Variants in PECAM1 observed in about 807,000 individuals in gnomAD.
The protein encoded by PECAM1 is platelet endothelial cell adhesion molecule.
Under a neutral mutation model 13.8 loss-of-function variants are expected in PECAM1, and 8 were observed. That is an observed-to-expected ratio of 0.58 (90% CI 0.34 to 1.05). The LOEUF (loss-of-function observed/expected upper bound fraction) is 1.05, where lower values mean the gene tolerates loss of function less well. Among genes scored for constraint, PECAM1 ranks in the 50% least tolerant of loss-of-function variants. PECAM1 has a pLI of 0.03. For synonymous variants in PECAM1, 136 were observed against 52.6 expected, an observed-to-expected ratio of 2.58 and a Z score of -6.86; for missense variants, 304 against 141.2, an observed-to-expected ratio of 2.15 and a Z score of -5.84.
chr17:64,347,445 C>T (rs1379084120), intron 13 of PECAM1, among the ~76,000 whole-genome samples: 4 of 150,030 alleles, frequency 2.7e-5, no homozygotes, highest in East Asian at 2.0e-4. Flanking sequence ...GCAGGAGAAT[C>T]GCTTTAACCC....
chr17:64,363,683 A>G (rs1223575883), intron 5 of PECAM1, among the ~76,000 whole-genome samples: 3 of 152,190 alleles, frequency 2.0e-5, no homozygotes, highest in African/African-American at 7.2e-5. Context: ...GTGGTGGCTC[A>G]TGCCTGTAAT....
At chr17:64,326,226 T>A (rs529262213) in intron 15 of PECAM1, among the ~76,000 whole-genome samples, 1 of 152,188 alleles carries the variant, frequency 6.6e-6, no homozygotes, top group South Asian at 2.1e-4. Flanking sequence ...GGACCCTCCA[T>A]GTGCACAGGA....
chr17:64,388,074 G>GAA (rs59573853), intron 2 of PECAM1, among the ~76,000 whole-genome samples: 70,236 of 151,858 alleles, frequency 0.46, 17,810 homozygotes, highest in Middle Eastern at 0.66. Context: ...GAGGCAGTGG[G>GAA]AGAGTCGCTC....
At chr17:64,332,890 C>T (rs748796680) in intron 14 of PECAM1, among the ~76,000 whole-genome samples, 52 of 152,210 alleles carry the variant, frequency 3.4e-4, no homozygotes, top group African/African-American at 7.7e-4. Flanking sequence ...CAGTGGCTCA[C>T]GCCTGTCATC....
chr17:64,365,938 A>C (rs1479644999), intron 5 of PECAM1, among the ~76,000 whole-genome samples: 2 of 151,484 alleles, frequency 1.3e-5, no homozygotes, highest in Non-Finnish European at 3.0e-5. Flanking sequence ...CTAAAACACC[A>C]AAAGCAATGG....
intron 2 of PECAM1, among the ~76,000 whole-genome samples, chr17:64,385,532 C>T (rs1027402571): frequency 6.7e-5 from 10 of 148,358 alleles, no homozygotes; most frequent in African/African-American, 7.5e-5. Flanking sequence ...TCTTCCTACC[C>T]GAATCTCAAG....
At chr17:64,382,721 A>AT (rs1325119194) in intron 2 of PECAM1, among the ~76,000 whole-genome samples, 16,036 of 143,540 alleles carry the variant, frequency 0.11, 2,232 homozygotes, top group African/African-American at 0.33. Context: ...GTTTCTAGGG[A>AT]TTTTTTTTTT....
chr17:64,327,345 A>G (rs1409109363), intron 15 of PECAM1, among the ~76,000 whole-genome samples: 2 of 152,150 alleles, frequency 1.3e-5, no homozygotes, highest in Non-Finnish European at 2.9e-5. Flanking sequence ...TTAAAATCCT[A>G]ATAGGTTGCT....
chr17:64,365,676 A>G (rs2036088600), intron 5 of PECAM1, among the ~76,000 whole-genome samples: 1 of 150,666 alleles, frequency 6.6e-6, no homozygotes, highest in Admixed American at 6.6e-5. Context: ...CCGCATATCA[A>G]CAACTATCTG....
chr17:64,323,769 C>T lies in PECAM1; in HGVS notation c.*47G>A. ...TGAAATACAGGGATTATCTGTTCTT[C>T]TCGGAACATGGATGTCCTTCCAGGG... On this transcript the variant is annotated 3_prime_UTR_variant, in exon 16 of 16. Coordinates refer to ENST00000563924, the MANE Select transcript of PECAM1 (RefSeq NM_000442.5). 2 of 1,131,532 alleles carry T rather than the reference C, an allele frequency of 1.8e-6. No homozygotes were observed. The highest frequency in any genetic ancestry group is 2.7e-6 in the Non-Finnish European group (2 of 739,572). 70.1% of individuals were successfully genotyped at this position (1,131,532 alleles called of 1,614,324 possible).
intron 2 of PECAM1, chr17:64,379,182 A>G (rs953210782): frequency 6.6e-6 from 1 of 152,196 alleles, no homozygotes; most frequent in African/African-American, 2.4e-5. Context: ...CAGCTATCCA[A>G]TCTCTGCTAG....
chr17:64,367,365 C>A (rs118193839), intron 5 of PECAM1, among the ~76,000 whole-genome samples: 53 of 152,112 alleles, frequency 3.5e-4, no homozygotes, highest in Non-Finnish European at 3.2e-4. Context: ...GCCCGGCCAA[C>A]ATGGCGAAAC....
chr17:64,364,037 T>C (rs2036046105), intron 5 of PECAM1, among the ~76,000 whole-genome samples: 1 of 152,022 alleles, frequency 6.6e-6, no homozygotes, highest in African/African-American at 2.4e-5. Flanking sequence ...ATCCAGGAGC[T>C]GGTTTTTTGA....
chr17:64,362,001 C>T (rs1209894332), intron 6 of PECAM1, among the ~76,000 whole-genome samples: 1 of 152,126 alleles, frequency 6.6e-6, no homozygotes, highest in Non-Finnish European at 1.5e-5. Flanking sequence ...TCAGTTGAAG[C>T]TATAATAAAA....
intron 5 of PECAM1, among the ~76,000 whole-genome samples, chr17:64,365,769 C>T (rs1184880814): frequency 6.6e-6 from 1 of 151,442 alleles, no homozygotes; most frequent in Non-Finnish European, 1.5e-5. Flanking sequence ...TGGCTAGCCA[C>T]ATGTAGAAAG....
chr17:64,382,176 T>G (rs1321917436), intron 2 of PECAM1, among the ~76,000 whole-genome samples: 3 of 152,138 alleles, frequency 2.0e-5, no homozygotes, highest in Admixed American at 6.5e-5. Flanking sequence ...TCCCAACCAC[T>G]CTCTTCCCTC....
rs1199988787 is a variant in PECAM1 at position 64,371,210 on chromosome 17, T to G, written c.692-1185A>C. On this transcript the variant is annotated intron_variant, in intron 4 of 15. Transcript: ENST00000563924. ...TAATAATCTTGACATGCAGAAGACC[T>G]TTAAGTATGAATCACAAAACTGAGG... 5.9e-5 allele frequency among the ~76,000 whole-genome samples: 9 copies of G among 152,282 alleles called. 1 individual carries two copies. In the East Asian group the frequency reaches 1.7e-3, roughly 29 times the overall value.
intron 14 of PECAM1, among the ~76,000 whole-genome samples, chr17:64,340,446 C>T (rs2035396995): frequency 6.6e-6 from 1 of 152,124 alleles, no homozygotes; most frequent in Admixed American, 6.5e-5. Context: ...ATTCCCTTTC[C>T]AAGAACCCAC....
At chr17:64,323,947 T>C (rs2034872733) in intron 15 of PECAM1, 102 bp from the exon 16 acceptor site, 1 of 790,436 alleles carries the variant, frequency 1.3e-6, no homozygotes. Flanking sequence ...TCAAAGAAAA[T>C]GCAAAGCAGG....
Sources: gnomAD v4.1 joint callset for allele counts (sites outside exome capture counted in the v4.1 genomes callset) on GRCh38, gnomAD v4.1.1 for gene constraint, MANE v1.5 for transcripts, NCBI Gene and HGNC (gene_info 2026-07-23, HGNC 2026-07-21) for gene names.